Variants in PCDHA6 observed in about 807,000 individuals in gnomAD.
The protein encoded by PCDHA6 is protocadherin alpha-6.
In PCDHA6, 55 loss-of-function variants were observed where a neutral mutation model predicts 60.3. The ratio of observed to expected loss-of-function variants is 0.91; its 90% CI spans 0.73 to 1.14. PCDHA6 has a LOEUF of 1.14. PCDHA6 is among the 50% of genes most tolerant of loss of function. The probability of loss-of-function intolerance (pLI) is 0.00; values close to 1 mark genes in which losing one functional copy is unlikely to be tolerated. For synonymous variants in PCDHA6, 652 were observed against 557.9 expected (o/e 1.17, Z -2.38); for missense variants, 1,327 against 1,256.5 (o/e 1.06, Z -0.85).
chr5:140,884,167 G>T (rs1554181302), intron 1 of PCDHA6: 2 of 1,613,294 alleles, frequency 1.2e-6, no homozygotes, highest in African/African-American at 1.3e-5. Context: ...AGATCAGCAC[G>T]ACGCGCCCTC....
chr5:140,922,172 C>T (rs1466116071), intron 1 of PCDHA6, among the ~76,000 whole-genome samples: 2 of 134,528 alleles, frequency 1.5e-5, no homozygotes, highest in Non-Finnish European at 3.3e-5. Context: ...AAAAGTACAG[C>T]AGACAAAAAA....
At chr5:140,850,528 C>T (rs1228882569) in intron 1 of PCDHA6, 1 of 1,598,306 alleles carries the variant, frequency 6.3e-7, no homozygotes, top group African/African-American at 1.3e-5. Context: ...GCGCCAAAGT[C>T]ATCGTCGCGG....
At position 141,003,207 on chromosome 5, in the gene PCDHA6, T is replaced by C. The variant is rs141066841; in HGVS notation, c.2543-6420T>C. On this transcript the variant is annotated intron_variant, in intron 3 of 3. Coordinates refer to ENST00000529310, the MANE Select transcript of PCDHA6 (RefSeq NM_018909.4). Reference sequence around the variant, plus strand: ...CATCAACTCAGGCAGCCAGGGTTAGTTTAGCATGAAAGAGGAAAGCTGGAA... The same window carrying C: ...CATCAACTCAGGCAGCCAGGGTTAGCTTAGCATGAAAGAGGAAAGCTGGAA... Among the ~76,000 whole-genome samples the C allele has an allele frequency of 6.3e-3, 959 of 152,338 alleles. 16 individuals carry two copies. The highest frequency in any genetic ancestry group is 0.021 in the African/African-American group (892 of 41,582).
intron 1 of PCDHA6, among the ~76,000 whole-genome samples, chr5:140,941,194 TCTTTCTTCCTTTCTTTCTTCCTTTC>T (rs1257521577): frequency 8.9e-6 from 1 of 112,354 alleles, no homozygotes; most frequent in Admixed American, 9.1e-5. Context: ...TCTTTTTTTT[TCTTTCTTCCTTTCTTTCTTCCTTTC>T]TTTCTTTCTT....
intron 3 of PCDHA6, 102 bp downstream of exon 3, chr5:140,982,665 A>G (rs1318068299): frequency 2.0e-6 from 3 of 1,465,204 alleles, no homozygotes; most frequent in Middle Eastern, 2.1e-4. Context: ...TTTCTTTTAT[A>G]TTTTTGTTAT....
chr5:140,883,330 T>G, intron 1 of PCDHA6: 3 of 1,614,182 alleles, frequency 1.9e-6, no homozygotes, highest in Middle Eastern at 1.6e-4. Flanking sequence ...CCATCACTTC[T>G]TTGTCACTCC....
chr5:140,833,092 G>A (rs1772292108), intron 1 of PCDHA6, among the ~76,000 whole-genome samples: 1 of 152,166 alleles, frequency 6.6e-6, no homozygotes, highest in African/African-American at 2.4e-5. Flanking sequence ...AGTACTAGAC[G>A]AGTAATTTTG....
intron 1 of PCDHA6, among the ~76,000 whole-genome samples, chr5:140,933,650 CCTGTCTCTCTCT>C (rs1218539002): frequency 2.6e-5 from 4 of 151,890 alleles, no homozygotes; most frequent in South Asian, 2.1e-4. Context: ...AGTTGGAAAT[CCTGTCTCTCTCT>C]CTGTCTCTCT....
chr5:140,833,767 C>CA (rs1772642182), intron 1 of PCDHA6, among the ~76,000 whole-genome samples: 1 of 151,616 alleles, frequency 6.6e-6, no homozygotes, highest in Non-Finnish European at 1.5e-5. Flanking sequence ...CACACACACA[C>CA]CGCTTTCTAA....
Position 140,828,362 on chromosome 5 carries a change from G to C in PCDHA6, c.271G>C (p.Asp91His), listed in dbSNP as rs1341252383. The C allele has an allele frequency of 3.7e-6, 6 of 1,614,228 alleles. No individual in the cohort carries two copies. Among genetic ancestry groups the C allele is most frequent in the East Asian group, 4.5e-5 (2 of 44,886 alleles). The change falls in exon 1 of 4, where the codon GAC (aspartate) becomes CAC (histidine). Residue 91 changes from aspartate to histidine, a missense_variant. Coordinates refer to ENST00000529310, the MANE Select transcript of PCDHA6 (RefSeq NM_018909.4). ...NGILFVNSRI[D>H]REELCGRSAE... ...CATTTTGTTTGTGAATTCTCGGATC[G>C]ACCGCGAGGAGCTGTGCGGGCGGAG...
At chr5:140,895,481 A>G (rs1344099308) in intron 1 of PCDHA6, among the ~76,000 whole-genome samples, 1 of 152,168 alleles carries the variant, frequency 6.6e-6, no homozygotes, top group African/African-American at 2.4e-5. Flanking sequence ...CTTCGGAGAA[A>G]TACCTATTCA....
intron 1 of PCDHA6, chr5:140,861,648 T>C (rs1380826146): frequency 1.0e-5 from 3 of 287,022 alleles, no homozygotes; most frequent in African/African-American, 6.6e-5. Context: ...AAAGAATCTG[T>C]TTCTGAAACG....
chr5:140,877,178 C>T (rs370071106), intron 1 of PCDHA6: 2 of 1,613,794 alleles, frequency 1.2e-6, no homozygotes, highest in South Asian at 2.2e-5. Context: ...CTGGCGACTC[C>T]GGCTGGCAGC....
At chr5:140,924,895 AAAAAAAAAAATAAAATAAAATAAAAT>A (rs1157767234) in intron 1 of PCDHA6, among the ~76,000 whole-genome samples, 8 of 132,230 alleles carry the variant, frequency 6.1e-5, no homozygotes, top group East Asian at 2.1e-4. Flanking sequence ...AACCTGTCTC[AAAAAAAAAAATAAAATAAAATAAAAT>A]AAAATAAAAT....
rs1262601662 is a variant in PCDHA6, at chr5:141,011,550, A to C, written c.*1613A>C. On this transcript the variant is annotated 3_prime_UTR_variant, in exon 4 of 4. Coordinates refer to ENST00000529310, the MANE Select transcript of PCDHA6 (RefSeq NM_018909.4). ...CATTGTTAATCAGCTTTTGTGTATG[A>C]AAGACACAGTAAAATTTCTTTCTTA... 6 of 153,770 alleles carry C rather than the reference A, an allele frequency of 3.9e-5. No homozygotes were observed. The highest frequency in any genetic ancestry group is 1.4e-4 in the African/African-American group (6 of 41,462). The allele number at this position is 153,770 out of a possible 1,614,324, so 9.5% of individuals were successfully genotyped here. A position where few individuals can be genotyped will look rare whatever the true frequency, so the allele number is the denominator to read the frequency against.
chr5:140,961,985 G>A (rs782724308), intron 1 of PCDHA6, among the ~76,000 whole-genome samples: 30 of 151,692 alleles, frequency 2.0e-4, no homozygotes, highest in Non-Finnish European at 4.0e-4. Context: ...CTGGGTTCAC[G>A]CCATTGTCCT....
At chr5:140,834,244 CT>C in intron 1 of PCDHA6, 1 of 863,716 alleles carries the variant, frequency 1.2e-6, no homozygotes, top group East Asian at 2.5e-5. Flanking sequence ...CCTTTTCGCA[CT>C]GGAAAGACGC....
rs1554131960 is a variant in PCDHA6, at chr5:140,829,441, C to T, written c.1350C>T (p.Asp450=). 6.2e-7 allele frequency: 1 copy of T among 1,613,912 alleles called. No individual in the cohort carries two copies. The highest frequency in any genetic ancestry group is 8.5e-7 in the Non-Finnish European group (1 of 1,180,050). The change falls in exon 1 of 4, where the codon GAC becomes GAT. Residue 450 remains aspartate (D), a synonymous_variant. Coordinates refer to ENST00000529310, the MANE Select transcript of PCDHA6 (RefSeq NM_018909.4). ...CTGTGGAGGTGGCCGACATGAATGA[C>T]AATGCTCCGGCGTTCGCGCAGCCCG... ...SLSVEVADMN[D]NAPAFAQPEY...
chr5:140,911,979 A>G (rs1583809781), intron 1 of PCDHA6, among the ~76,000 whole-genome samples: 2 of 152,328 alleles, frequency 1.3e-5, no homozygotes, highest in African/African-American at 4.8e-5. Flanking sequence ...AACTCACATG[A>G]TCACAAGGTC....
Sources: gnomAD v4.1 joint callset for allele counts (sites outside exome capture counted in the v4.1 genomes callset) on GRCh38, gnomAD v4.1.1 for gene constraint, MANE v1.5 for transcripts, NCBI Gene and HGNC (gene_info 2026-07-23, HGNC 2026-07-21) for gene names.